The following PGAP1 variants were observed in gnomAD, a reference collection of about 807,000 sequenced individuals.
PGAP1 encodes the protein GPI inositol-deacylase.
PGAP1 carries 76 observed loss-of-function variants against 127.0 expected under a neutral mutation model. The ratio of observed to expected loss-of-function variants is 0.60; its 90% CI spans 0.50 to 0.72. The LOEUF (loss-of-function observed/expected upper bound fraction) is 0.72. PGAP1 is among the 30% of genes least tolerant of loss of function. The pLI is 0.00. For missense variants in PGAP1, 982 were observed against 1,071.3 expected, an observed-to-expected ratio of 0.92 and a Z score of 1.16; for synonymous variants, 362 against 366.5, an observed-to-expected ratio of 0.99 and a Z score of 0.14.
intron 19 of PGAP1, among the ~76,000 whole-genome samples, chr2:196,868,854 CAAGT>C (rs1701323166): frequency 2.6e-5 from 4 of 152,094 alleles, no homozygotes; most frequent in African/African-American, 2.4e-5. Flanking sequence ...TTTTTTAAAA[CAAGT>C]AAGATATACA....
rs1451881190 is a variant in PGAP1, at chr2:196,880,145, T to C, written c.1281A>G (p.Thr427=). 1 of 1,536,628 alleles carries C rather than the reference T, an allele frequency of 6.5e-7. No individual in the cohort carries two copies. Among genetic ancestry groups the C allele is most frequent in the African/African-American group, 1.4e-5 (1 of 69,848 alleles). The change falls in exon 13 of 27, where the codon ACA becomes ACG. Residue 427 remains threonine (T), a synonymous_variant. Coordinates refer to ENST00000354764, the MANE Select transcript of PGAP1 (RefSeq NM_024989.4). The stretch of plus-strand genomic sequence containing the variant: ...AAGATGGATAGTCTTGAAGTCTTAA[T>C]GTCAGATACTAAAATAAAAAAAAAA... The part of the protein sequence containing the change: ...AELLPTIKYL[T]LRLQDYPSLS...
At position 196,850,949 on chromosome 2, in the gene PGAP1, ATAGAAAATAG is replaced by A. The variant is rs1412843589; in HGVS notation, c.1862-2922_1862-2913del. 2.3e-4 allele frequency among the ~76,000 whole-genome samples: 35 copies of A among 152,314 alleles called. No homozygotes were observed. The East Asian group carries it at 6.2e-3, about 27-fold the overall frequency. ...CACCTATAGCTCTAATTATCAATTT[ATAGAAAATAG>A]AAAAACATGTTCAACTCCAGCAAGG... is the stretch of plus-strand genomic sequence containing the variant. On this transcript the variant is annotated intron_variant, in intron 20 of 26. Transcript: ENST00000354764.
intron 10 of PGAP1, among the ~76,000 whole-genome samples, chr2:196,887,886 T>G (rs1037779694): frequency 6.6e-6 from 1 of 152,204 alleles, no homozygotes; most frequent in African/African-American, 2.4e-5. Flanking sequence ...AGAACAGATC[T>G]GCACAGCCTG....
At chr2:196,868,319 G>A (rs1247736429) in intron 19 of PGAP1, among the ~76,000 whole-genome samples, 1 of 152,142 alleles carries the variant, frequency 6.6e-6, no homozygotes, top group Admixed American at 6.5e-5. Context: ...CCCACACAGA[G>A]CATTCTGAAT....
chr2:196,869,706 C>T (rs902322157), intron 19 of PGAP1, among the ~76,000 whole-genome samples: 5 of 152,188 alleles, frequency 3.3e-5, no homozygotes, highest in Non-Finnish European at 7.4e-5. Context: ...TTAATCTTCT[C>T]TTCCTAATTT....
chr2:196,852,737 T>C (rs1363233500), intron 20 of PGAP1, among the ~76,000 whole-genome samples: 1 of 152,070 alleles, frequency 6.6e-6, no homozygotes, highest in African/African-American at 2.4e-5. Flanking sequence ...GTGTTTTTGG[T>C]AAGGAAGGTT....
At chr2:196,890,750 C>G in intron 10 of PGAP1, 78 bp downstream of exon 10, 1 of 757,782 alleles carries the variant, frequency 1.3e-6, no homozygotes, top group Admixed American at 2.2e-5. Flanking sequence ...TATTTCATAG[C>G]TAGGTCTACC....
At chr2:196,897,800 G>T (rs1050106911) in intron 6 of PGAP1, among the ~76,000 whole-genome samples, 1 of 152,188 alleles carries the variant, frequency 6.6e-6, no homozygotes, top group Non-Finnish European at 1.5e-5. Flanking sequence ...GGGTTTTTGG[G>T]AGATTATTTT....
At chr2:196,856,123 C>T (rs1368101328) in intron 20 of PGAP1, among the ~76,000 whole-genome samples, 1 of 152,158 alleles carries the variant, frequency 6.6e-6, no homozygotes, top group African/African-American at 2.4e-5. Context: ...AAGTGATTCT[C>T]GTGCCTCAGT....
In PGAP1 at chr2:196,841,113, T is replaced by C. The variant is rs61742703; in HGVS notation, c.*121A>G. On this transcript the variant is annotated 3_prime_UTR_variant, in exon 27 of 27. Coordinates refer to ENST00000354764, the MANE Select transcript of PGAP1 (RefSeq NM_024989.4). Reference sequence around the variant, plus strand: ...CAAAACTAATTTCCTATTTTCAATATTGTAAAAATAGACTTGTCTTCTCCA... The same window carrying C: ...CAAAACTAATTTCCTATTTTCAATACTGTAAAAATAGACTTGTCTTCTCCA... 1.1e-5 allele frequency: 12 copies of C among 1,080,664 alleles called. No homozygotes were observed. In the African/African-American group the frequency reaches 1.8e-4, roughly 16 times the overall value. 66.9% of individuals were successfully genotyped at this position (1,080,664 alleles called of 1,614,324 possible).
At chr2:196,860,560 C>CA (rs949057295) in intron 20 of PGAP1, among the ~76,000 whole-genome samples, 48 of 151,252 alleles carry the variant, frequency 3.2e-4, no homozygotes, top group African/African-American at 7.3e-4. Flanking sequence ...AAACAAAAAA[C>CA]AAAAAAAATA....
At chr2:196,886,707 C>T in intron 10 of PGAP1, among the ~76,000 whole-genome samples, 1 of 150,372 alleles carries the variant, frequency 6.7e-6, no homozygotes, top group African/African-American at 2.4e-5. Flanking sequence ...AAATAAGTCC[C>T]TTTTTTTTTG....
At chr2:196,856,278 A>G (rs914646830) in intron 20 of PGAP1, among the ~76,000 whole-genome samples, 3 of 152,082 alleles carry the variant, frequency 2.0e-5, no homozygotes, top group African/African-American at 7.2e-5. Context: ...CAGCCTCCCC[A>G]AAGTGCTGGG....
intron 12 of PGAP1, among the ~76,000 whole-genome samples, chr2:196,882,918 CT>C (rs1701776730): frequency 6.6e-6 from 1 of 152,122 alleles, no homozygotes. Flanking sequence ...AGAGGGCATC[CT>C]TGTCTTGTGC....
chr2:196,862,178 C>T (rs1701088718), intron 20 of PGAP1, among the ~76,000 whole-genome samples: 1 of 152,010 alleles, frequency 6.6e-6, no homozygotes, highest in African/African-American at 2.4e-5. Context: ...AAGGAACATC[C>T]TTAGGAAAGA....
intron 20 of PGAP1, among the ~76,000 whole-genome samples, chr2:196,863,502 T>A (rs1316345969): frequency 6.6e-6 from 1 of 152,182 alleles, no homozygotes; most frequent in Non-Finnish European, 1.5e-5. Flanking sequence ...CTCATTCATA[T>A]CTGGGAATTT....
At chr2:196,856,044 C>T (rs1576103875) in intron 20 of PGAP1, among the ~76,000 whole-genome samples, 1 of 152,014 alleles carries the variant, frequency 6.6e-6, no homozygotes, top group Non-Finnish European at 1.5e-5. Flanking sequence ...GACAGAGTCT[C>T]GCTCTGTTGC....
At chr2:196,869,309 A>G (rs1436833119) in intron 19 of PGAP1, among the ~76,000 whole-genome samples, 1 of 152,154 alleles carries the variant, frequency 6.6e-6, no homozygotes, top group African/African-American at 2.4e-5. Context: ...AATATACAAT[A>G]GTATGAATTT....
intron 18 of PGAP1, among the ~76,000 whole-genome samples, chr2:196,871,821 C>A (rs915876276): frequency 1.6e-4 from 24 of 152,062 alleles, no homozygotes; most frequent in African/African-American, 5.8e-4. Flanking sequence ...TTCACATAAA[C>A]CAGAAGCCTA....
Sources: allele counts gnomAD v4.1 joint callset (sites outside exome capture counted in the v4.1 genomes callset), GRCh38; gene constraint gnomAD v4.1.1; transcripts MANE v1.5; gene names NCBI Gene and HGNC (gene_info 2026-07-23, HGNC 2026-07-21).